The following DSC2 variants were observed in gnomAD, a reference collection of about 807,000 sequenced individuals.
The protein encoded by DSC2 is desmocollin 2.
Under a neutral mutation model 87.6 loss-of-function variants are expected in DSC2, and 51 were observed. That is an observed-to-expected ratio of 0.58 (90% CI 0.46 to 0.74). The LOEUF is 0.74. DSC2 is among the 30% of genes least tolerant of loss of function. The pLI is 0.00. For synonymous variants in DSC2, 383 were observed against 393.2 expected, an observed-to-expected ratio of 0.97 and a Z score of 0.31; for missense variants, 1,066 against 1,089.5, an observed-to-expected ratio of 0.98 and a Z score of 0.30.
chr18:31,094,616 T>A (rs565979250), intron 1 of DSC2, among the ~76,000 whole-genome samples: 30 of 152,328 alleles, frequency 2.0e-4, no homozygotes, highest in Middle Eastern at 3.4e-3. Context: ...TTAACTAGCA[T>A]TTACACTGTT....
At chr18:31,079,088 A>G (rs1376652233) in intron 11 of DSC2, among the ~76,000 whole-genome samples, 1 of 152,168 alleles carries the variant, frequency 6.6e-6, no homozygotes, top group African/African-American at 2.4e-5. Context: ...GTATATTGTT[A>G]GCTTCCTGTA....
chr18:31,088,478 G>A (rs1467595445), intron 5 of DSC2, among the ~76,000 whole-genome samples: 1 of 152,074 alleles, frequency 6.6e-6, no homozygotes, highest in Non-Finnish European at 1.5e-5. Flanking sequence ...CAGAAGGCCA[G>A]GCCATGGCAA....
Position 31,083,175 on chromosome 18 carries a change from A to T in DSC2, c.943-115T>A, listed in dbSNP as rs1393682802. ...AAGAATTTAAGAAGTGCATTATTAC[A>T]TTTCACAGCATTCGTGTATTAGAAG... On this transcript the variant is annotated intron_variant, in intron 7 of 15. Coordinates refer to ENST00000280904, the MANE Select transcript of DSC2 (RefSeq NM_024422.6). 1.4e-5 allele frequency: 16 copies of T among 1,142,864 alleles called. No homozygotes were observed. The East Asian group carries it at 2.9e-4, about 20-fold the overall frequency. The allele number at this position is 1,142,864 out of a possible 1,614,324, so 70.8% of individuals were successfully genotyped here.
Position 31,074,907 on chromosome 18 carries a change from C to G in DSC2, c.1664G>C (p.Gly555Ala), listed in dbSNP as rs766681408. The change falls in exon 12 of 16, where the codon GGA becomes GCA. Residue 555 changes from glycine to alanine, a missense_variant and splice_region_variant. Gly to Ala is a moderately conservative substitution (Grantham distance 60). Coordinates refer to ENST00000280904, the MANE Select transcript of DSC2 (RefSeq NM_024422.6). Reference sequence around the variant, plus strand: ...CAGTGTCCCCGTACATGTTCTCCCTCCTAGAAAAATGAAAATAAAAATAGT... The same window carrying G: ...CAGTGTCCCCGTACATGTTCTCCCTGCTAGAAAAATGAAAATAAAAATAGT... ...YNITVLASDQ[G>A]GRTCTGTLGI... The G allele has an allele frequency of 6.2e-7, 1 of 1,612,340 alleles. No homozygotes were observed. Among genetic ancestry groups the G allele is most frequent in the Admixed American group, 1.7e-5 (1 of 59,808 alleles).
In DSC2 at chr18:31,089,598, G is replaced by C; in HGVS notation, c.475-4C>G. The C allele has an allele frequency of 2.5e-6, 4 of 1,612,880 alleles. No individual in the cohort carries two copies. Among genetic ancestry groups the C allele is most frequent in the East Asian group, 4.5e-5 (2 of 44,804 alleles). The stretch of plus-strand genomic sequence containing the variant: ...TTTGGGCCGTGTCAGATTGAACCTA[G>C]AAAGTAGATATTATATACATGAGAC... On this transcript the variant is annotated splice_region_variant and splice_polypyrimidine_tract_variant and intron_variant, in intron 4 of 15. Transcript: ENST00000280904.
Position 31,063,483 on chromosome 18 carries a change from A to G in DSC2, c.*4532T>C, listed in dbSNP as rs1218630327. ...ACAGCCATGTGCTCTAGACACACAAATGTCTAGGCGGTAGTATTTTTACTA... is the reference window on the plus strand; with the variant it reads ...ACAGCCATGTGCTCTAGACACACAAGTGTCTAGGCGGTAGTATTTTTACTA... On this transcript the variant is annotated 3_prime_UTR_variant, in exon 16 of 16. Coordinates refer to ENST00000280904, the MANE Select transcript of DSC2 (RefSeq NM_024422.6). 1 of 152,116 alleles carries G rather than the reference A, an allele frequency of 6.6e-6. No homozygotes were observed. The highest frequency in any genetic ancestry group is 1.5e-5 in the Non-Finnish European group (1 of 68,020). 9.4% of individuals were successfully genotyped at this position (152,116 alleles called of 1,614,324 possible).
chr18:31,070,615 G>T, intron 14 of DSC2, 111 bp downstream of exon 14: 2 of 1,447,970 alleles, frequency 1.4e-6, no homozygotes, highest in Non-Finnish European at 1.9e-6. Flanking sequence ...ACATTCTATG[G>T]TAAATTGCCT....
rs1214019629 is a variant in DSC2, at chr18:31,080,336, T to C, written c.1280A>G (p.Glu427Gly). Residue 427 changes from glutamate (E) to glycine (G), a missense_variant, in exon 10 of 16, where the codon GAA (glutamate) becomes GGA (glycine). Glu to Gly is a moderately conservative substitution (Grantham distance 98). Coordinates refer to ENST00000280904, the MANE Select transcript of DSC2 (RefSeq NM_024422.6). ...LCVVKPLNYE[E>G]KQQMILQIGV... Reference sequence around the variant, plus strand: ...AATTTGCAAGATCATCTGTTGCTTTTCTTCATAATTCAAAGGCTACGAAAG... The same window carrying C: ...AATTTGCAAGATCATCTGTTGCTTTCCTTCATAATTCAAAGGCTACGAAAG... The C allele has an allele frequency of 6.2e-7, 1 of 1,613,838 alleles. No individual in the cohort carries two copies. Among genetic ancestry groups the C allele is most frequent in the African/African-American group, 1.3e-5 (1 of 74,936 alleles).
rs561470142 is a variant in DSC2 at position 31,065,670 on chromosome 18, AC to A, written c.*2344del. 58 of 152,344 alleles carry A rather than the reference AC, an allele frequency of 3.8e-4. No individual in the cohort carries two copies. The highest frequency in any genetic ancestry group is 1.3e-3 in the African/African-American group (53 of 41,594). 9.4% of individuals were successfully genotyped at this position (152,344 alleles called of 1,614,324 possible). The stretch of plus-strand genomic sequence containing the variant: ...AGGGAAGAAGCCAAGGAAGGGATTG[AC>A]AGGGAGAATCTAAAATACACATAAT... On this transcript the variant is annotated 3_prime_UTR_variant, in exon 16 of 16. Coordinates refer to ENST00000280904, the MANE Select transcript of DSC2 (RefSeq NM_024422.6).
At chr18:31,087,618 A>G in intron 6 of DSC2, 51 bp downstream of exon 6, 1 of 1,581,864 alleles carries the variant, frequency 6.3e-7, no homozygotes, top group Non-Finnish European at 8.6e-7. Context: ...AACTAAATGT[A>G]TGAATTGAAA....
At chr18:31,092,417 A>G in intron 2 of DSC2, 117 bp from the exon 3 acceptor site, 2 of 827,466 alleles carry the variant, frequency 2.4e-6, no homozygotes, top group Non-Finnish European at 4.0e-6. Flanking sequence ...TGACACTTGT[A>G]AATTTTTGAA....
chr18:31,074,601 T>C, intron 12 of DSC2, 82 bp downstream of exon 12: 1 of 1,291,674 alleles, frequency 7.7e-7, no homozygotes, highest in Non-Finnish European at 1.1e-6. Flanking sequence ...TGGTGAATTT[T>C]CTCCTATTTC....
At chr18:31,091,250 AG>A in intron 3 of DSC2, 103 bp from the exon 4 acceptor site, 1 of 1,428,878 alleles carries the variant, frequency 7.0e-7, no homozygotes, top group Non-Finnish European at 9.7e-7. Flanking sequence ...TTAGCTGGGT[AG>A]GGGTGAGACC....
rs1986650192 is a variant in DSC2 at position 31,067,183 on chromosome 18, A to C, written c.*832T>G. ...ATAAAACAAAAAAAAGGAATAATTC[A>C]CTTTATGAGAGAAGAAAAGAGAGAC... is the stretch of plus-strand genomic sequence containing the variant. On this transcript the variant is annotated 3_prime_UTR_variant, in exon 16 of 16. Coordinates refer to ENST00000280904, the MANE Select transcript of DSC2 (RefSeq NM_024422.6). 6.6e-6 allele frequency: 1 copy of C among 151,832 alleles called. No homozygotes were observed. The highest frequency in any genetic ancestry group is 2.4e-5 in the African/African-American group (1 of 41,398). The allele number at this position is 151,832 out of a possible 1,614,324, so 9.4% of individuals were successfully genotyped here. A position where few individuals can be genotyped will look rare whatever the true frequency, so the allele number is the denominator to read the frequency against.
chr18:31,102,268 G>A lies in DSC2; in HGVS notation c.-297C>T, dbSNP rs1598599516. 1 of 333,810 alleles carries A rather than the reference G, an allele frequency of 3.0e-6. No individual in the cohort carries two copies. Among genetic ancestry groups the A allele is most frequent in the South Asian group, 1.3e-4 (1 of 7,414 alleles). The allele number at this position is 333,810 out of a possible 1,614,324, so 20.7% of individuals were successfully genotyped here. On this transcript the variant is annotated 5_prime_UTR_variant, in exon 1 of 16. Transcript: ENST00000280904. ...ACTTCATTTCTCTAAGAAAGCCACG[G>A]GTGGGAACTCCCTCTCGCCGCCACC...
chr18:31,079,754 T>C, intron 11 of DSC2, 93 bp downstream of exon 11: 4 of 1,441,734 alleles, frequency 2.8e-6, no homozygotes, highest in Non-Finnish European at 2.9e-6. Context: ...ACAGAGTGCA[T>C]GTATCCAGCT....
intron 11 of DSC2, 110 bp downstream of exon 11, chr18:31,079,735 GAT>G (rs1273706759): frequency 4.1e-6 from 5 of 1,210,414 alleles, no homozygotes; most frequent in African/African-American, 1.5e-5. Context: ...ATTATCAAGA[GAT>G]ATGAAAACAG....
At chr18:31,099,282 A>T (rs915486604) in intron 1 of DSC2, among the ~76,000 whole-genome samples, 1 of 152,218 alleles carries the variant, frequency 6.6e-6, no homozygotes, top group African/African-American at 2.4e-5. Context: ...ACCAGCATTT[A>T]AGAGTGCAGG....
chr18:31,081,546 T>C (rs537276235), intron 9 of DSC2, among the ~76,000 whole-genome samples: 2 of 152,322 alleles, frequency 1.3e-5, no homozygotes, highest in South Asian at 2.1e-4. Context: ...TTCATCATTG[T>C]AAGGAAAATG....
Sources: gnomAD v4.1 joint callset for allele counts (sites outside exome capture counted in the v4.1 genomes callset) on GRCh38, gnomAD v4.1.1 for gene constraint, MANE v1.5 for transcripts, NCBI Gene and HGNC (gene_info 2026-07-23, HGNC 2026-07-21) for gene names.